The following OR51B5 variants were observed in gnomAD, a reference collection of about 807,000 sequenced individuals.
The protein encoded by OR51B5 is olfactory receptor 51B5.
For synonymous variants in OR51B5, 186 were observed against 144.8 expected (o/e 1.28, Z -2.04); for missense variants, 456 against 374.6 (o/e 1.22, Z -1.79).
intron 1 of OR51B5, among the ~76,000 whole-genome samples, chr11:5,394,161 T>TA (rs1447648379): frequency 6.6e-6 from 1 of 152,138 alleles, no homozygotes; most frequent in Non-Finnish European, 1.5e-5. Context: ...TATCATGGTT[T>TA]TTTAAGCACA....
At chr11:5,395,392 CCTCT>C (rs1849852767) in intron 1 of OR51B5, among the ~76,000 whole-genome samples, 1 of 151,876 alleles carries the variant, frequency 6.6e-6, no homozygotes, top group Non-Finnish European at 1.5e-5. Flanking sequence ...ATTGGAGTGA[CCTCT>C]CTAATATCCC....
intron 1 of OR51B5, among the ~76,000 whole-genome samples, chr11:5,496,604 C>G (rs1377966145): frequency 6.6e-6 from 1 of 152,172 alleles, no homozygotes; most frequent in East Asian, 1.9e-4. Context: ...ATACTGCATT[C>G]CAACTTGATC....
chr11:5,428,303 G>T (rs1247486074), intron 1 of OR51B5, among the ~76,000 whole-genome samples: 1 of 152,032 alleles, frequency 6.6e-6, no homozygotes, highest in African/African-American at 2.4e-5. Context: ...AAATTTCCCA[G>T]TGCACATAAA....
chr11:5,385,624 T>C (rs1264722643), intron 1 of OR51B5, among the ~76,000 whole-genome samples: 1 of 151,972 alleles, frequency 6.6e-6, no homozygotes, highest in African/African-American at 2.4e-5. Flanking sequence ...TTAATGGCAG[T>C]TTTTGCCAAT....
intron 1 of OR51B5, among the ~76,000 whole-genome samples, chr11:5,457,610 C>G (rs1850979051): frequency 1.3e-5 from 2 of 152,182 alleles, no homozygotes; most frequent in South Asian, 4.1e-4. Flanking sequence ...TCCATTTTCT[C>G]TGCAACCTCA....
chr11:5,341,554 T>C (rs1848893181), downstream of OR51B5, among the ~76,000 whole-genome samples: 1 of 152,176 alleles, frequency 6.6e-6, no homozygotes, highest in Admixed American at 6.5e-5. Context: ...TTTAGGATAT[T>C]TTAAATTGAG....
At chr11:5,397,060 G>C (rs571488113) in intron 1 of OR51B5, among the ~76,000 whole-genome samples, 44 of 152,186 alleles carry the variant, frequency 2.9e-4, no homozygotes, top group African/African-American at 9.6e-4. Flanking sequence ...AACTCAAGAT[G>C]GATTAAAGAC....
intron 1 of OR51B5, among the ~76,000 whole-genome samples, chr11:5,442,205 T>C (rs1406617302): frequency 6.6e-6 from 1 of 152,198 alleles, no homozygotes. Context: ...TATAGTAAAC[T>C]GCAACCTTTA....
intron 1 of OR51B5, among the ~76,000 whole-genome samples, chr11:5,461,676 C>A (rs1027972330): frequency 6.6e-6 from 1 of 152,210 alleles, no homozygotes; most frequent in East Asian, 1.9e-4. Context: ...ACTCTCTGGG[C>A]AGTTCTCCCT....
intron 1 of OR51B5, among the ~76,000 whole-genome samples, chr11:5,400,169 A>G (rs1849945284): frequency 6.6e-6 from 1 of 152,192 alleles, no homozygotes; most frequent in South Asian, 2.1e-4. Flanking sequence ...TCCCTGCCCT[A>G]CATTTTAACA....
At chr11:5,414,347 ATT>A (rs1428026697) in intron 1 of OR51B5, among the ~76,000 whole-genome samples, 3 of 141,444 alleles carry the variant, frequency 2.1e-5, no homozygotes, top group African/African-American at 7.6e-5. Context: ...TGTAAAGACC[ATT>A]CAGACTAGGA....
rs1477126588 is a variant in OR51B5 at position 5,502,818 on chromosome 11, C to T, written n.84+2751G>A. ...GGCTATAGAACAGTGCCTAGTTTTC[C>T]GTGAGATCTCTTTAAGAGTTAACTG... On this transcript the variant is annotated intron_variant and non_coding_transcript_variant, in intron 1 of 4. Coordinates refer to the OR51B5 transcript ENST00000415970. 5.3e-5 allele frequency among the ~76,000 whole-genome samples: 8 copies of T among 152,246 alleles called. No individual in the cohort carries two copies. In the South Asian group the frequency reaches 1.0e-3, roughly 20 times the overall value.
At chr11:5,394,361 ACTATG>A in intron 1 of OR51B5, among the ~76,000 whole-genome samples, 1 of 152,272 alleles carries the variant, frequency 6.6e-6, no homozygotes, top group Admixed American at 6.5e-5. Context: ...TGTAGTTTTA[ACTATG>A]CTCCACTGAT....
intron 1 of OR51B5, among the ~76,000 whole-genome samples, chr11:5,434,629 A>G (rs1168529395): frequency 6.6e-6 from 1 of 151,106 alleles, no homozygotes; most frequent in Middle Eastern, 3.2e-3. Flanking sequence ...AAGACTTCGA[A>G]GGACCATGAA....
chr11:5,433,731 C>T (rs1850561326), intron 1 of OR51B5, among the ~76,000 whole-genome samples: 1 of 152,102 alleles, frequency 6.6e-6, no homozygotes, highest in African/African-American at 2.4e-5. Flanking sequence ...ACTTGGGAAG[C>T]TGAAGCAGAA....
Position 5,383,603 on chromosome 11 carries a change from G to C in OR51B5, n.85-36693C>G, listed in dbSNP as rs543430655. 3.7e-4 allele frequency among the ~76,000 whole-genome samples: 57 copies of C among 152,346 alleles called. 1 individual carries two copies. Among genetic ancestry groups the C allele is most frequent in the African/African-American group, 4.8e-5 (2 of 41,580 alleles). On this transcript the variant is annotated intron_variant and non_coding_transcript_variant, in intron 1 of 4. Coordinates refer to the OR51B5 transcript ENST00000415970. The stretch of plus-strand genomic sequence containing the variant: ...AAATTAAAAATAAACAGATAAGGCA[G>C]TAGTACTTTTGTTGCAGCAGATGTC...
chr11:5,358,127 G>A (rs1250325963), intron 1 of OR51B5, among the ~76,000 whole-genome samples: 2 of 151,652 alleles, frequency 1.3e-5, no homozygotes, highest in Admixed American at 1.3e-4. Flanking sequence ...CAGAAGGCAA[G>A]AAATAACTAA....
chr11:5,366,635 G>C (rs766787691), intron 1 of OR51B5, among the ~76,000 whole-genome samples: 2 of 150,372 alleles, frequency 1.3e-5, no homozygotes, highest in African/African-American at 4.9e-5. Context: ...GAGAGAGGTA[G>C]GGAGGGAGGA....
At chr11:5,470,183 G>A (rs1459697574) in intron 1 of OR51B5, among the ~76,000 whole-genome samples, 1 of 152,160 alleles carries the variant, frequency 6.6e-6, no homozygotes, top group South Asian at 2.1e-4. Flanking sequence ...TGTGCAAGTA[G>A]AACTCACAAA....
Sources: gnomAD v4.1 joint callset for allele counts (sites outside exome capture counted in the v4.1 genomes callset) on GRCh38, gnomAD v4.1.1 for gene constraint, MANE v1.5 for transcripts, NCBI Gene and HGNC (gene_info 2026-07-23, HGNC 2026-07-21) for gene names.